NIBAN3: variants seen among roughly 807,000 people sequenced by gnomAD.
NIBAN3 encodes niban apoptosis regulator 3, also known as protein Niban 3.
Under a neutral mutation model 76.4 loss-of-function variants are expected in NIBAN3, and 66 were observed. The observed-to-expected ratio is 0.86, with a 90% CI of 0.71 to 1.06. The LOEUF (loss-of-function observed/expected upper bound fraction) is 1.06. Ranked by LOEUF, NIBAN3 falls within the 50% of genes least tolerant of loss-of-function variation. The probability of loss-of-function intolerance (pLI) is 0.00; values close to 1 mark genes in which losing one functional copy is unlikely to be tolerated. For synonymous variants in NIBAN3, 360 were observed against 355.2 expected (o/e 1.01, Z -0.15); for missense variants, 808 against 810.7 (o/e 1.00, Z 0.04).
rs150963441 is a variant in NIBAN3, at chr19:17,542,654, T to C, written c.1329+360T>C. On this transcript the variant is annotated intron_variant, in intron 10 of 14. Coordinates refer to ENST00000599164, the MANE Select transcript of NIBAN3 (RefSeq NM_001321827.2). This position sits in a 1 kb window ranked among gnomAD's most constrained non-coding sequence, Gnocchi z 4.8. ...GGAACGTGGAGCAATTTTTCAGAAA[T>C]GGGGAAGATAGGCCGGCGACATGGA... 5.8e-3 allele frequency among the ~76,000 whole-genome samples: 888 copies of C among 152,144 alleles called. 2 individuals carry two copies. The highest frequency in any genetic ancestry group is 0.011 in the Admixed American group (174 of 15,270).
intron 14 of NIBAN3, among the ~76,000 whole-genome samples, chr19:17,550,971 T>C (rs569238484): frequency 6.6e-6 from 1 of 151,292 alleles, no homozygotes; most frequent in Admixed American, 6.6e-5. Context: ...GTAGCCTCAC[T>C]GGTGCCCCTC....
At chr19:17,533,497 C>A in intron 3 of NIBAN3, 90 bp from the exon 4 acceptor site, 1 of 797,066 alleles carries the variant, frequency 1.3e-6, no homozygotes, top group African/African-American at 1.7e-5. Flanking sequence ...TTTTTCAGCT[C>A]ATCTGAAATC....
At chr19:17,540,088 C>A (rs1469240434) in intron 8 of NIBAN3, 2 of 329,586 alleles carry the variant, frequency 6.1e-6, no homozygotes, top group East Asian at 4.7e-5. Flanking sequence ...GGCTGAGGCT[C>A]GAGGAGTTGA....
chr19:17,525,060 G>A (rs1463907540), upstream of NIBAN3, among the ~76,000 whole-genome samples: 5 of 152,136 alleles, frequency 3.3e-5, no homozygotes, highest in Admixed American at 6.6e-5. Context: ...TCTATTCATC[G>A]ATGACCTGCC....
At position 17,553,031 on chromosome 19, in the gene NIBAN3, C is replaced by G. The variant is rs1343880726; in HGVS notation, c.*1133C>G. ...TCAAGGCTGCAGTGAGTGGTGATTG[C>G]ACCACTGCACTCCAGCCTGGGTGAT... is the stretch of plus-strand genomic sequence containing the variant. On this transcript the variant is annotated 3_prime_UTR_variant, in exon 15 of 15. Coordinates refer to ENST00000599164, the MANE Select transcript of NIBAN3 (RefSeq NM_001321827.2). 1 of 239,592 alleles carries G rather than the reference C, an allele frequency of 4.2e-6. No individual in the cohort carries two copies. Among genetic ancestry groups the G allele is most frequent in the East Asian group, 1.1e-4 (1 of 9,412 alleles). 14.8% of individuals were successfully genotyped at this position (239,592 alleles called of 1,614,324 possible).
chr19:17,542,103 AT>A lies in NIBAN3; in HGVS notation c.1171-28del. ...TGGCCCTTTGCAATCAGCTGACAGCATTTTTCCCCCAAAACTGCTTCCGGGA... is the reference window on the plus strand; with the variant it reads ...TGGCCCTTTGCAATCAGCTGACAGCATTTTCCCCCAAAACTGCTTCCGGGA... On this transcript the variant is annotated intron_variant, in intron 9 of 14. Coordinates refer to ENST00000599164, the MANE Select transcript of NIBAN3 (RefSeq NM_001321827.2). The surrounding 1 kb of genome is among the most constrained non-coding windows in gnomAD (Gnocchi z 4.8). 1.9e-6 allele frequency: 3 copies of A among 1,613,698 alleles called. No homozygotes were observed. The highest frequency in any genetic ancestry group is 1.7e-4 in the Middle Eastern group (1 of 6,060).
intron 9 of NIBAN3, among the ~76,000 whole-genome samples, chr19:17,541,290 G>C (rs2075948545): frequency 6.6e-6 from 1 of 151,974 alleles, no homozygotes. Flanking sequence ...CACCTACTAT[G>C]TACCAGGCAA....
At chr19:17,538,585 C>T (rs949319632) in intron 5 of NIBAN3, among the ~76,000 whole-genome samples, 3 of 148,222 alleles carry the variant, frequency 2.0e-5, no homozygotes, top group Non-Finnish European at 4.5e-5. Flanking sequence ...ATCATGCTAC[C>T]GCACTTCAGC....
chr19:17,530,713 C>T (rs2075704383), intron 1 of NIBAN3, 42 bp from the exon 2 acceptor site: 3 of 1,571,126 alleles, frequency 1.9e-6, no homozygotes, highest in Non-Finnish European at 2.6e-6. Context: ...GTCTCCTGGG[C>T]AGATTCAATT....
chr19:17,526,549 G>C (rs2075610726), upstream of NIBAN3, among the ~76,000 whole-genome samples: 1 of 151,832 alleles, frequency 6.6e-6, no homozygotes, highest in African/African-American at 2.4e-5. Flanking sequence ...TCTGGAGGCT[G>C]AAGTGAGAGG....
chr19:17,534,028 T>C (rs2075779395), intron 4 of NIBAN3, among the ~76,000 whole-genome samples: 1 of 152,088 alleles, frequency 6.6e-6, no homozygotes, highest in Admixed American at 6.6e-5. Context: ...AGAATCAGAA[T>C]AGCAAAGGAT....
At chr19:17,555,321 A>G (rs2076202663), downstream of NIBAN3, among the ~76,000 whole-genome samples, 1 of 152,130 alleles carries the variant, frequency 6.6e-6, no homozygotes, top group Admixed American at 6.5e-5. Flanking sequence ...GTCCCAAACC[A>G]GGTCCTAAGT....
Position 17,549,463 on chromosome 19 carries a change from T to G in NIBAN3, c.1686T>G (p.Gly562=), listed in dbSNP as rs1323133487. The change falls in exon 14 of 15, where the codon GGT becomes GGG. Residue 562 remains glycine (G), a synonymous_variant. Coordinates refer to ENST00000599164, the MANE Select transcript of NIBAN3 (RefSeq NM_001321827.2). ...RIDQELKKTL[G]ANDVSCTLDG... Reference sequence around the variant, plus strand: ...TTTCAGAATTGAAAAAGACCCTTGGTGCCAATGATGTATCCTGCACTCTGG... The same window carrying G: ...TTTCAGAATTGAAAAAGACCCTTGGGGCCAATGATGTATCCTGCACTCTGG... The G allele has an allele frequency of 6.2e-7, 1 of 1,613,680 alleles. No homozygotes were observed. The highest frequency in any genetic ancestry group is 8.5e-7 in the Non-Finnish European group (1 of 1,179,694).
Position 17,539,013 on chromosome 19 carries a change from G to T in NIBAN3, c.596-137G>T, listed in dbSNP as rs549123583. ...TGGGGGACTGTGTTCCCTGTGGAGG[G>T]CATTGCCTATGCAAAGTTCCAGAGA... is the stretch of plus-strand genomic sequence containing the variant. On this transcript the variant is annotated intron_variant, in intron 5 of 14. Coordinates refer to ENST00000599164, the MANE Select transcript of NIBAN3 (RefSeq NM_001321827.2). 4.4e-4 allele frequency: 299 copies of T among 672,850 alleles called. 2 individuals are homozygous for T. In the African/African-American group the frequency reaches 4.8e-3, roughly 11 times the overall value. The allele number at this position is 672,850 out of a possible 1,614,324, so 41.7% of individuals were successfully genotyped here.
At chr19:17,541,996 A>G (rs2144740810) in intron 9 of NIBAN3, 140 bp from the exon 10 acceptor site, 1 of 1,049,084 alleles carries the variant, frequency 9.5e-7, no homozygotes, top group Non-Finnish European at 1.4e-6. Context: ...CCACTATTGT[A>G]TTATGAGTTT....
intron 4 of NIBAN3, among the ~76,000 whole-genome samples, chr19:17,536,245 C>G (rs1239685491): frequency 6.6e-6 from 1 of 152,092 alleles, no homozygotes; most frequent in Non-Finnish European, 1.5e-5. Context: ...GGCTCAAGTG[C>G]AGTGGCATGA....
intron 13 of NIBAN3, among the ~76,000 whole-genome samples, chr19:17,547,658 T>G (rs2144773692): frequency 7.3e-6 from 1 of 136,878 alleles, no homozygotes; most frequent in South Asian, 2.4e-4. Flanking sequence ...CGGCCAAGAC[T>G]CCATCTTTTA....
chr19:17,539,415 G>T lies in NIBAN3; in HGVS notation c.780G>T (p.Arg260=), dbSNP rs894711133. 12 of 1,523,870 alleles carry T rather than the reference G, an allele frequency of 7.9e-6. No individual in the cohort carries two copies. Among genetic ancestry groups the T allele is most frequent in the Non-Finnish European group, 1.1e-5 (12 of 1,139,042 alleles). 94.4% of individuals were successfully genotyped at this position (1,523,870 alleles called of 1,614,324 possible). A position where few individuals can be genotyped will look rare whatever the true frequency, so the allele number is the denominator to read the frequency against. Residue 260 remains arginine, a synonymous_variant, in exon 7 of 15, where the codon CGG becomes CGT. Coordinates refer to ENST00000599164, the MANE Select transcript of NIBAN3 (RefSeq NM_001321827.2). The part of the protein sequence containing the change: ...ALRAQTLPGL[R]GAGRARAWAW... Reference sequence around the variant, plus strand: ...GAGCCCAGACCCTTCCTGGCCTGCGGGGGGCAGGCCGCGCCCGCGCCTGGG... The same window carrying T: ...GAGCCCAGACCCTTCCTGGCCTGCGTGGGGCAGGCCGCGCCCGCGCCTGGG...
At chr19:17,526,800 T>C (rs2075614051), upstream of NIBAN3, among the ~76,000 whole-genome samples, 1 of 152,042 alleles carries the variant, frequency 6.6e-6, no homozygotes, top group African/African-American at 2.4e-5. Flanking sequence ...TCTAAGACCT[T>C]GGCATCTGCC....
Sources: gnomAD v4.1 joint callset for allele counts (sites outside exome capture counted in the v4.1 genomes callset) on GRCh38, gnomAD v4.1.1 for gene constraint, Gnocchi (gnomAD v3.1) non-coding constraint, MANE v1.5 for transcripts, NCBI Gene and HGNC (gene_info 2026-07-23, HGNC 2026-07-21) for gene names.